The following TNIP1 variants were observed in gnomAD, a reference collection of about 807,000 sequenced individuals.
The protein encoded by TNIP1 is TNFAIP3 interacting protein 1.
TNIP1 carries 22 observed loss-of-function variants against 86.6 expected under a neutral mutation model. The ratio of observed to expected loss-of-function variants is 0.25; its 90% confidence interval spans 0.18 to 0.36. The LOEUF (loss-of-function observed/expected upper bound fraction) is 0.36, where lower values mean the gene tolerates loss of function less well. Among genes scored for constraint, TNIP1 ranks in the 10% least tolerant of loss-of-function variants. The probability of loss-of-function intolerance (pLI) is 1.00; values close to 1 mark genes in which losing one functional copy is unlikely to be tolerated. For synonymous variants in TNIP1, 294 were observed against 313.0 expected, an observed-to-expected ratio of 0.94 and a Z score of 0.64; for missense variants, 709 against 820.6, an observed-to-expected ratio of 0.86 and a Z score of 1.66.
In TNIP1 at chr5:151,065,066, G is replaced by T; in HGVS notation, c.30C>A (p.Tyr10Ter). Residue 10 changes from tyrosine to a stop codon, truncating the protein, a stop_gained, in exon 2 of 18, where the codon TAC becomes TAA. Coordinates refer to ENST00000521591, the MANE Select transcript of TNIP1 (RefSeq NM_006058.5). LOFTEE classifies it high-confidence loss of function. ...CTGAGGGCACGCTGCCCCCAGGGTC[G>T]TAGATCCGGTACGGTCCTCTCCCTT... The part of the protein sequence containing the change: MEGRGPYRI[Y>*]DPGGSVPSGE... 6.2e-7 allele frequency: 1 copy of T among 1,614,096 alleles called. No individual in the cohort carries two copies. Among genetic ancestry groups the T allele is most frequent in the East Asian group, 2.2e-5 (1 of 44,888 alleles).
At position 151,033,630 on chromosome 5, in the gene TNIP1, G is replaced by A; in HGVS notation, c.1757C>T (p.Pro586Leu). 1.4e-6 allele frequency: 2 copies of A among 1,382,256 alleles called. No homozygotes were observed. Among genetic ancestry groups the A allele is most frequent in the Admixed American group, 2.7e-5 (1 of 36,482 alleles). 85.6% of individuals were successfully genotyped at this position (1,382,256 alleles called of 1,614,324 possible). A position where few individuals can be genotyped will look rare whatever the true frequency, so the allele number is the denominator to read the frequency against. The change falls in exon 16 of 18, where the codon CCC becomes CTC. Residue 586 changes from proline (P) to leucine (L), a missense_variant. Transcript: ENST00000521591. ...CACCAGATGGAAGAGGCGCGAGTTG[G>A]GGAGTGGGGGCGGGTGCTCCATGGC... ...PMAMEHPPPLPNSRLFHLPEY... is the reference protein window; with the variant it reads ...PMAMEHPPPLLNSRLFHLPEY...
rs1760348606 is a variant in TNIP1 at position 151,054,187 on chromosome 5, C to T, written c.628-1928G>A. Reference sequence around the variant, plus strand: ...GCACCGGAAAGTTGGGCCCCTGTCTCCCTGGGACTCTAAGGAACTGTGTAG... The same window carrying T: ...GCACCGGAAAGTTGGGCCCCTGTCTTCCTGGGACTCTAAGGAACTGTGTAG... On this transcript the variant is annotated intron_variant, in intron 6 of 17. Transcript: ENST00000521591. Among the ~76,000 whole-genome samples, 3 of 152,192 alleles carry T rather than the reference C, an allele frequency of 2.0e-5. No homozygotes were observed. The South Asian group carries it at 6.2e-4, about 31-fold the overall frequency.
upstream of TNIP1, among the ~76,000 whole-genome samples, chr5:151,081,253 C>T (rs935679850): frequency 1.3e-5 from 2 of 152,108 alleles, no homozygotes; most frequent in African/African-American, 4.8e-5. Flanking sequence ...GGCCACCGTC[C>T]CGGGCCTGCG....
intron 8 of TNIP1, among the ~76,000 whole-genome samples, chr5:151,047,725 G>A (rs1229717492): frequency 6.6e-6 from 1 of 152,024 alleles, no homozygotes; most frequent in Non-Finnish European, 1.5e-5. Context: ...AATAGCAAGT[G>A]CTGGGGTGAA....
chr5:151,063,785 T>A, intron 2 of TNIP1, 38 bp from the exon 3 acceptor site: 2 of 1,605,096 alleles, frequency 1.2e-6, no homozygotes, highest in Non-Finnish European at 1.7e-6. Flanking sequence ...AAGCATTTAC[T>A]CGGCTCAGTG....
In TNIP1 at chr5:151,045,880, A is replaced by G; in HGVS notation, c.917T>C (p.Leu306Pro). 6.2e-7 allele frequency: 1 copy of G among 1,614,120 alleles called. No individual in the cohort carries two copies. Among genetic ancestry groups the G allele is most frequent in the South Asian group, 1.1e-5 (1 of 91,074 alleles). The change falls in exon 9 of 18, where the codon CTG becomes CCG. Residue 306 changes from leucine (L) to proline (P), a missense_variant. Transcript: ENST00000521591. Reference sequence around the variant, plus strand: ...ACCTACCTCACTGCGCTGCTGCTCCAGCATCTTCACCTTCTTCTCGGCTGC... The same window carrying G: ...ACCTACCTCACTGCGCTGCTGCTCCGGCATCTTCACCTTCTTCTCGGCTGC... ...LGAAEKKVKM[L>P]EQQRSELLEV...
In TNIP1 at chr5:151,030,718, G is replaced by A; in HGVS notation, c.1906C>T (p.Gln636Ter). The change falls in exon 18 of 18, where the codon CAG (glutamine) becomes TAG (stop). Residue 636 changes from glutamine to a stop codon, truncating the protein, a stop_gained. Coordinates refer to ENST00000521591, the MANE Select transcript of TNIP1 (RefSeq NM_006058.5). LOFTEE classifies it high-confidence loss of function. ...ESPKNDREGP[Q>*] is the part of the protein sequence containing the mutation. ...CCAAATGACACAATCTGGTCTCACT[G>A]AGGCCCCTCACGGTCATTTTTTGGA... The A allele has an allele frequency of 6.2e-7, 1 of 1,613,646 alleles. No individual in the cohort carries two copies. The highest frequency in any genetic ancestry group is 8.5e-7 in the Non-Finnish European group (1 of 1,179,876).
intron 17 of TNIP1, among the ~76,000 whole-genome samples, chr5:151,030,995 A>T (rs1756812575): frequency 1.3e-5 from 2 of 152,192 alleles, no homozygotes; most frequent in African/African-American, 4.8e-5. Flanking sequence ...TGACTTGCTC[A>T]TAGTTCCAGG....
Position 151,042,709 on chromosome 5 carries a change from A to T in TNIP1, c.1003-38T>A. The T allele has an allele frequency of 2.5e-6, 4 of 1,611,696 alleles. No homozygotes were observed. In the South Asian group the frequency reaches 4.4e-5, roughly 18 times the overall value. The stretch of plus-strand genomic sequence containing the variant: ...GCAGAGAGGAGTGTGTGAGGCAAGG[A>T]TGTAGAGCACTTGCAGGATGTGGGC... On this transcript the variant is annotated intron_variant, in intron 10 of 17. Coordinates refer to ENST00000521591, the MANE Select transcript of TNIP1 (RefSeq NM_006058.5).
At chr5:151,036,021 C>G (rs1299889049) in intron 13 of TNIP1, among the ~76,000 whole-genome samples, 1 of 152,256 alleles carries the variant, frequency 6.6e-6, no homozygotes, top group Non-Finnish European at 1.5e-5. Context: ...GCAGTGATCA[C>G]AGAACCAGAG....
At chr5:151,062,054 T>G in intron 4 of TNIP1, 73 bp downstream of exon 4, 2 of 1,369,758 alleles carry the variant, frequency 1.5e-6, no homozygotes, top group South Asian at 1.2e-5. Context: ...TCTTTCTTCA[T>G]GTTCTTGTAT....
chr5:151,067,185 C>T (rs985953538), intron 1 of TNIP1, among the ~76,000 whole-genome samples: 9 of 152,236 alleles, frequency 5.9e-5, no homozygotes, highest in Non-Finnish European at 1.2e-4. Flanking sequence ...TACAGCATAG[C>T]ACAAAGTGCA....
At chr5:151,051,610 G>A (rs1368527957) in intron 7 of TNIP1, among the ~76,000 whole-genome samples, 2 of 152,220 alleles carry the variant, frequency 1.3e-5, no homozygotes, top group African/African-American at 2.4e-5. Context: ...GCGTGATCCT[G>A]TGCCTACCTC....
chr5:151,044,278 G>C (rs948296829), intron 9 of TNIP1, among the ~76,000 whole-genome samples: 2 of 152,114 alleles, frequency 1.3e-5, no homozygotes, highest in Non-Finnish European at 2.9e-5. Flanking sequence ...CTGGTTGCAA[G>C]TAATCTTCCT....
chr5:151,075,330 T>G (rs1763263254), intron 1 of TNIP1, among the ~76,000 whole-genome samples: 1 of 152,210 alleles, frequency 6.6e-6, no homozygotes, highest in African/African-American at 2.4e-5. Context: ...TTTTTTCTTT[T>G]TACTGTATTG....
At chr5:151,075,673 C>T (rs976725580) in intron 1 of TNIP1, among the ~76,000 whole-genome samples, 21 of 152,356 alleles carry the variant, frequency 1.4e-4, no homozygotes, top group Admixed American at 7.2e-4. Context: ...GACCAGATCA[C>T]GCAGGAGTTG....
chr5:151,054,488 C>T (rs1318259980), intron 6 of TNIP1, among the ~76,000 whole-genome samples: 1 of 152,120 alleles, frequency 6.6e-6, no homozygotes, highest in Non-Finnish European at 1.5e-5. Flanking sequence ...CAACACCAGT[C>T]TGGGCAACAT....
chr5:151,083,355 G>T (rs1764154403), upstream of TNIP1, among the ~76,000 whole-genome samples: 1 of 152,202 alleles, frequency 6.6e-6, no homozygotes, highest in South Asian at 2.1e-4. Context: ...TGCATGCATT[G>T]GGTAGAACTT....
intron 2 of TNIP1, 148 bp from the exon 3 acceptor site, chr5:151,063,895 TG>T: frequency 2.1e-6 from 2 of 955,862 alleles, no homozygotes; most frequent in Admixed American, 5.4e-5. Flanking sequence ...GTGGGCCAAG[TG>T]GGACAAACTC....
Sources: allele counts gnomAD v4.1 joint callset (sites outside exome capture counted in the v4.1 genomes callset), GRCh38; gene constraint gnomAD v4.1.1; transcripts MANE v1.5; gene names NCBI Gene and HGNC (gene_info 2026-07-23, HGNC 2026-07-21).